Variants in MCM6 observed in about 807,000 individuals in gnomAD.
The protein encoded by MCM6 is DNA replication licensing factor MCM6.
In MCM6, 46 loss-of-function variants were observed where a neutral mutation model predicts 94.3. That is an observed-to-expected ratio of 0.49 (90% CI 0.39 to 0.62). The LOEUF (loss-of-function observed/expected upper bound fraction) is 0.62, where lower values mean the gene tolerates loss of function less well. MCM6 is among the 20% of genes least tolerant of loss of function. The probability of loss-of-function intolerance (pLI) is 0.00; values close to 1 mark genes in which losing one functional copy is unlikely to be tolerated. For missense variants in MCM6, 865 were observed against 1,017.9 expected (o/e 0.85, Z 2.04); for synonymous variants, 335 against 351.9 (o/e 0.95, Z 0.54).
intron 14 of MCM6, among the ~76,000 whole-genome samples, chr2:135,846,601 C>T (rs1371234740): frequency 6.6e-6 from 1 of 152,076 alleles, no homozygotes; most frequent in East Asian, 1.9e-4. Flanking sequence ...TCTTGGTCTC[C>T]CAAGTGCTGG....
rs930914922 is a variant in MCM6, at chr2:135,872,464, C to T, written c.254+233G>A. ...GACTCCGTCTCAAAAAACAAACAAA[C>T]AAACAAACAAACAAAACACAACAAC... On this transcript the variant is annotated intron_variant, in intron 2 of 16. Transcript: ENST00000264156. 4.6e-5 allele frequency among the ~76,000 whole-genome samples: 7 copies of T among 151,898 alleles called. No homozygotes were observed. The East Asian group carries it at 1.4e-3, about 29-fold the overall frequency.
intron 8 of MCM6, among the ~76,000 whole-genome samples, chr2:135,860,923 G>A (rs569017089): frequency 1.3e-5 from 2 of 152,234 alleles, no homozygotes; most frequent in South Asian, 2.1e-4. Context: ...GGGATACTCC[G>A]ACTATCATTA....
chr2:135,876,443 C>A lies in MCM6; in HGVS notation c.-78G>T, dbSNP rs1419538515. ...CTTTTTTCCAGACGCTGCAGCTTTG[C>A]GCGCGCCGCCGCCGCTTCCGCCCCG... is the stretch of plus-strand genomic sequence containing the variant. On this transcript the variant is annotated 5_prime_UTR_variant, in exon 1 of 17. Coordinates refer to ENST00000264156, the MANE Select transcript of MCM6 (RefSeq NM_005915.6). 8.4e-7 allele frequency: 1 copy of A among 1,183,564 alleles called. No homozygotes were observed. The highest frequency in any genetic ancestry group is 2.8e-5 in the East Asian group (1 of 35,482). The allele number at this position is 1,183,564 out of a possible 1,614,324, so 73.3% of individuals were successfully genotyped here.
chr2:135,840,918 A>C lies in MCM6; in HGVS notation c.2383T>G (p.Leu795Val). The change falls in exon 17 of 17, where the codon TTG becomes GTG. Residue 795 changes from leucine to valine, a missense_variant. Physicochemically the swap from Leu to Val is conservative, Grantham distance 32 (BLOSUM62 1). This residue lies in a region of MCM6 where 308 missense variants were observed against 324.5 expected (regional missense o/e 0.95). Coordinates refer to ENST00000264156, the MANE Select transcript of MCM6 (RefSeq NM_005915.6). The part of the protein sequence containing the change: ...HVLIELTQAG[L>V]KGSTEGSESY... ...TCACTTCCCTCTGTGGAGCCTTTCA[A>C]TCCAGCCTGGGTGAGCTCAATTAGA... 6.2e-7 allele frequency: 1 copy of C among 1,614,164 alleles called. No homozygotes were observed.
At chr2:135,852,062 G>C (rs139170954) in intron 12 of MCM6, 1 of 152,718 alleles carries the variant, frequency 6.5e-6, no homozygotes. Context: ...CAGTATATCA[G>C]TATGCAGTAA....
rs1458240759 is a variant in MCM6 at position 135,865,150 on chromosome 2, T to G, written c.941A>C (p.Glu314Ala). The change falls in exon 7 of 17, where the codon GAG (glutamate) becomes GCG (alanine). Residue 314 changes from glutamate (E) to alanine (A), a missense_variant. By Grantham distance (107) the Glu-to-Ala change is moderately radical. Around this residue, in one of 3 missense-constraint regions of MCM6, gnomAD observed 404 missense variants for 451.9 expected, o/e 0.89. Transcript: ENST00000264156. Reference sequence around the variant, plus strand: ...AGCTGTCTGTTCCTCATCTCTGAGCTCTTTCCCCCCAAACTAATGGTAGAG... The same window carrying G: ...AGCTGTCTGTTCCTCATCTCTGAGCGCTTTCCCCCCAAACTAATGGTAGAG... ...APTNPRFGGK[E>A]LRDEEQTAES... 2 of 1,534,882 alleles carry G rather than the reference T, an allele frequency of 1.3e-6. No homozygotes were observed. The highest frequency in any genetic ancestry group is 1.7e-6 in the Non-Finnish European group (2 of 1,143,416).
At position 135,846,383 on chromosome 2, in the gene MCM6, T is replaced by C. The variant is rs1679670819; in HGVS notation, c.2063A>G (p.Asp688Gly). The C allele has an allele frequency of 9.9e-6, 16 of 1,614,148 alleles. No homozygotes were observed. Among genetic ancestry groups the C allele is most frequent in the Non-Finnish European group, 1.4e-5 (16 of 1,179,978 alleles). ...GATCCCGTTCACAGGAGCAGGGCTG[T>C]CAGCATGACCTAAGTGAAAAATTGA... Reference protein sequence around the residue: ...EGAGGINGHADSPAPVNGING... With the variant: ...EGAGGINGHAGSPAPVNGING... The change falls in exon 15 of 17, where the codon GAC (aspartate) becomes GGC (glycine). Residue 688 changes from aspartate to glycine, a missense_variant. Asp to Gly is a moderately conservative substitution (Grantham distance 94). This residue lies in a region of MCM6 where 308 missense variants were observed against 324.5 expected (regional missense o/e 0.95). Coordinates refer to ENST00000264156, the MANE Select transcript of MCM6 (RefSeq NM_005915.6).
intron 1 of MCM6, among the ~76,000 whole-genome samples, chr2:135,873,894 G>A (rs1680249426): frequency 6.6e-6 from 1 of 152,352 alleles, no homozygotes; most frequent in East Asian, 1.9e-4. Flanking sequence ...GCTTCTGAAA[G>A]AGTTAAAAAT....
At position 135,860,699 on chromosome 2, in the gene MCM6, G is replaced by A. The variant is rs371502948; in HGVS notation, c.1221-1257C>T. On this transcript the variant is annotated intron_variant, in intron 8 of 16. Coordinates refer to ENST00000264156, the MANE Select transcript of MCM6 (RefSeq NM_005915.6). ...ACCAAACAAACCAGGAATAGAGGAG[G>A]TTTTCCTAAGTCTAATAAAGGGTTT... is the stretch of plus-strand genomic sequence containing the variant. 3.3e-5 allele frequency among the ~76,000 whole-genome samples: 5 copies of A among 152,162 alleles called. No individual in the cohort carries two copies. The East Asian group carries it at 9.6e-4, about 29-fold the overall frequency.
chr2:135,841,049 C>G, intron 16 of MCM6, 98 bp from the exon 17 acceptor site: 1 of 816,386 alleles, frequency 1.2e-6, no homozygotes. Context: ...TTGCTATCAA[C>G]ATTTTCTTTC....
In MCM6 at chr2:135,876,345, C is replaced by A; in HGVS notation, c.21G>T (p.Ala7=). The A allele has an allele frequency of 6.2e-7, 1 of 1,608,158 alleles. No homozygotes were observed. The part of the protein sequence containing the change: MDLAAA[A]EPGAGSQHLE... Reference sequence around the variant, plus strand: ...GGTGCTGGCTGCCGGCGCCCGGCTCCGCTGCCGCCGCGAGGTCCATATTTG... The same window carrying A: ...GGTGCTGGCTGCCGGCGCCCGGCTCAGCTGCCGCCGCGAGGTCCATATTTG... The change falls in exon 1 of 17, where the codon GCG becomes GCT. Residue 7 remains alanine (A), a synonymous_variant. Coordinates refer to ENST00000264156, the MANE Select transcript of MCM6 (RefSeq NM_005915.6).
intron 1 of MCM6, among the ~76,000 whole-genome samples, chr2:135,873,450 G>A (rs1256605009): frequency 6.6e-6 from 1 of 152,206 alleles, no homozygotes; most frequent in East Asian, 1.9e-4. Flanking sequence ...GTGTTTCACA[G>A]CCCAAGACTT....
Position 135,839,838 on chromosome 2 carries a change from A to G in MCM6, c.*997T>C, listed in dbSNP as rs932539529. On this transcript the variant is annotated 3_prime_UTR_variant, in exon 17 of 17. Coordinates refer to ENST00000264156, the MANE Select transcript of MCM6 (RefSeq NM_005915.6). ...AAATTCACATTGCACTGGAAAGCTC[A>G]GACATCAAGGCAAGTTGAGTACTCA... The G allele has an allele frequency of 6.6e-6, 1 of 152,260 alleles. No homozygotes were observed. Among genetic ancestry groups the G allele is most frequent in the African/African-American group, 2.4e-5 (1 of 41,478 alleles). The allele number at this position is 152,260 out of a possible 1,614,324, so 9.4% of individuals were successfully genotyped here. A position where few individuals can be genotyped will look rare whatever the true frequency, so the allele number is the denominator to read the frequency against.
Position 135,846,089 on chromosome 2 carries a change from C to G in MCM6, c.2209+148G>C, listed in dbSNP as rs1575357794. ...CAGGCTGGCAGGTATGCTGATACTC[C>G]ACAAATTTACTTTGCTAAAGTGAGT... On this transcript the variant is annotated intron_variant, in intron 15 of 16. Transcript: ENST00000264156. The G allele has an allele frequency of 2.4e-5, 17 of 714,736 alleles. No homozygotes were observed. The East Asian group carries it at 4.6e-4, about 19-fold the overall frequency. The allele number at this position is 714,736 out of a possible 1,614,324, so 44.3% of individuals were successfully genotyped here.
At chr2:135,873,768 C>G (rs1680246402) in intron 1 of MCM6, among the ~76,000 whole-genome samples, 1 of 152,054 alleles carries the variant, frequency 6.6e-6, no homozygotes, top group African/African-American at 2.4e-5. Flanking sequence ...TGAAGACAGA[C>G]AAGAAAGATG....
chr2:135,869,328 G>A (rs2105591204), intron 3 of MCM6, among the ~76,000 whole-genome samples: 1 of 151,714 alleles, frequency 6.6e-6, no homozygotes, highest in East Asian at 1.9e-4. Context: ...TTGAACCCGG[G>A]AGGTGGAGGG....
intron 16 of MCM6, among the ~76,000 whole-genome samples, chr2:135,843,070 G>A (rs1439030186): frequency 6.6e-6 from 1 of 152,134 alleles, no homozygotes. Flanking sequence ...TGGTGAAGGC[G>A]GTAAAAAGAG....
At position 135,846,315 on chromosome 2, in the gene MCM6, C is replaced by T; in HGVS notation, c.2131G>A (p.Ala711Thr). The T allele has an allele frequency of 6.2e-7, 1 of 1,614,078 alleles. No homozygotes were observed. Among genetic ancestry groups the T allele is most frequent in the Non-Finnish European group, 8.5e-7 (1 of 1,179,972 alleles). The change falls in exon 15 of 17, where the codon GCC becomes ACC. Residue 711 changes from alanine to threonine, a missense_variant. Physicochemically the swap from Ala to Thr is moderately conservative, Grantham distance 58 (BLOSUM62 0). Coordinates refer to ENST00000264156, the MANE Select transcript of MCM6 (RefSeq NM_005915.6). ...TCAGAGAAGCCCAGCCTTAAGGAGG[C>T]TTTGGGAGCAGACTCTTGATTTATG... ...EDINQESAPK[A>T]SLRLGFSEYC... is the part of the protein sequence containing the mutation.
intron 11 of MCM6, among the ~76,000 whole-genome samples, chr2:135,853,953 A>G (rs1224159479): frequency 2.6e-5 from 4 of 152,238 alleles, no homozygotes; most frequent in African/African-American, 7.2e-5. Context: ...TGGGCGGAAC[A>G]CAGTGGCTCA....
Sources: gnomAD v4.1 joint callset for allele counts (sites outside exome capture counted in the v4.1 genomes callset) on GRCh38, gnomAD v4.1.1 for gene constraint, gnomAD v4.1.1 regional missense constraint, MANE v1.5 for transcripts, NCBI Gene and HGNC (gene_info 2026-07-23, HGNC 2026-07-21) for gene names.